TPST1: variants seen among roughly 807,000 people sequenced by gnomAD.
TPST1 encodes the protein protein-tyrosine sulfotransferase 1.
Under a neutral mutation model 34.8 loss-of-function variants are expected in TPST1, and 20 were observed. The observed-to-expected ratio is 0.57, with a 90% CI of 0.40 to 0.84. TPST1 has a LOEUF of 0.84. TPST1 is among the 40% of genes least tolerant of loss of function. TPST1 has a pLI of 0.00. For synonymous variants in TPST1, 152 were observed against 159.4 expected, an observed-to-expected ratio of 0.95 and a Z score of 0.35; for missense variants, 353 against 455.5, an observed-to-expected ratio of 0.78 and a Z score of 2.05.
intron 2 of TPST1, among the ~76,000 whole-genome samples, chr7:66,256,914 A>G (rs1486020956): frequency 3.3e-5 from 5 of 152,096 alleles, no homozygotes; most frequent in Non-Finnish European, 7.4e-5. Context: ...TGTCATCTAA[A>G]TCAGGTCCAG....
upstream of TPST1, among the ~76,000 whole-genome samples, chr7:66,203,147 CTG>C (rs962273837): frequency 7.3e-5 from 11 of 151,044 alleles, no homozygotes; most frequent in South Asian, 2.1e-4. Context: ...TTATCTATCT[CTG>C]TGTGTGTGTG....
At position 66,240,959 on chromosome 7, in the gene TPST1, A is replaced by T. The variant is rs1790020632; in HGVS notation, c.534A>T (p.Lys178Asn). 2 of 1,614,040 alleles carry T rather than the reference A, an allele frequency of 1.2e-6. No homozygotes were observed. Among genetic ancestry groups the T allele is most frequent in the East Asian group, 4.5e-5 (2 of 44,900 alleles). ...TTTCTAGGTTATTCCCCAATGCCAA[A>T]TTTCTCCTGATGGTCCGAGATGGCC... The part of the protein sequence containing the change: ...TYLSRLFPNA[K>N]FLLMVRDGRA... Residue 178 changes from lysine to asparagine, a missense_variant, in exon 2 of 6, where the codon AAA (lysine) becomes AAT (asparagine). Coordinates refer to ENST00000304842, the MANE Select transcript of TPST1 (RefSeq NM_003596.4).
At position 66,296,398 on chromosome 7, in the gene TPST1, A is replaced by G. The variant is rs1460396928; in HGVS notation, c.1044+9689A>G. Among the ~76,000 whole-genome samples, 9 of 152,060 alleles carry G rather than the reference A, an allele frequency of 5.9e-5. No individual in the cohort carries two copies. The South Asian group carries it at 1.0e-3, about 18-fold the overall frequency. On this transcript the variant is annotated intron_variant, in intron 3 of 5. Coordinates refer to ENST00000304842, the MANE Select transcript of TPST1 (RefSeq NM_003596.4). The stretch of plus-strand genomic sequence containing the variant: ...GTCTTGTCTTGTGAGGGTAGGTTTC[A>G]TAAGACCTTTTTGCAAACTAAATCC...
At chr7:66,242,460 C>T (rs963928183) in intron 2 of TPST1, among the ~76,000 whole-genome samples, 2 of 151,976 alleles carry the variant, frequency 1.3e-5, no homozygotes, top group Non-Finnish European at 2.9e-5. Context: ...TAGATAATCT[C>T]AAAGGAACAG....
chr7:66,307,667 G>A (rs888468727), intron 3 of TPST1, among the ~76,000 whole-genome samples: 2 of 152,150 alleles, frequency 1.3e-5, no homozygotes, highest in African/African-American at 4.8e-5. Flanking sequence ...ACCATTGTTG[G>A]CCTCTCCTGT....
chr7:66,337,716 C>T (rs1054280617), intron 3 of TPST1, among the ~76,000 whole-genome samples: 2 of 152,040 alleles, frequency 1.3e-5, no homozygotes, highest in East Asian at 1.9e-4. Context: ...ATGGCAATGG[C>T]GGTGTTAAAG....
chr7:66,353,821 C>G (rs1458382676), intron 4 of TPST1, among the ~76,000 whole-genome samples: 1 of 152,166 alleles, frequency 6.6e-6, no homozygotes, highest in Admixed American at 6.5e-5. Context: ...AGCAACAGCA[C>G]CTCAGAGACT....
chr7:66,244,786 G>GT (rs1352720120), intron 2 of TPST1, among the ~76,000 whole-genome samples: 1 of 152,194 alleles, frequency 6.6e-6, no homozygotes, highest in African/African-American at 2.4e-5. Flanking sequence ...GCAGATTAAT[G>GT]TAACAGTGAC....
chr7:66,317,197 AT>A (rs1791651038), intron 3 of TPST1, among the ~76,000 whole-genome samples: 2 of 152,182 alleles, frequency 1.3e-5, no homozygotes. Flanking sequence ...AAAAATCTGT[AT>A]CTTTAGTTAT....
intron 3 of TPST1, 38 bp downstream of exon 3, chr7:66,286,747 T>A (rs1457516424): frequency 1.4e-6 from 2 of 1,420,076 alleles, no homozygotes; most frequent in South Asian, 1.8e-5. Context: ...GAAAACTAGA[T>A]TTTGAATTTG....
chr7:66,247,181 A>G (rs1790166520), intron 2 of TPST1, among the ~76,000 whole-genome samples: 2 of 152,234 alleles, frequency 1.3e-5, no homozygotes, highest in South Asian at 4.1e-4. Context: ...TAATCCCAGC[A>G]CTTTGGGAGG....
At chr7:66,313,545 C>G (rs1416907048) in intron 3 of TPST1, among the ~76,000 whole-genome samples, 2 of 152,066 alleles carry the variant, frequency 1.3e-5, no homozygotes, top group Admixed American at 6.6e-5. Context: ...CTTTGAACTC[C>G]CTGCAGTAAT....
rs142084592 is a variant in TPST1, at chr7:66,262,456, C to T, written c.845+21186C>T. Among the ~76,000 whole-genome samples, 335 of 152,256 alleles carry T rather than the reference C, an allele frequency of 2.2e-3. 2 individuals carry two copies. Among genetic ancestry groups the T allele is most frequent in the African/African-American group, 7.7e-3 (321 of 41,554 alleles). ...CCTAACCCTTCTATGTTGATGATTC[C>T]GCCCCCACATTTTCATTAAGGGTCA... On this transcript the variant is annotated intron_variant, in intron 2 of 5. Coordinates refer to ENST00000304842, the MANE Select transcript of TPST1 (RefSeq NM_003596.4).
At position 66,269,029 on chromosome 7, in the gene TPST1, C is replaced by T. The variant is rs1283123297; in HGVS notation, c.846-17482C>T. Among the ~76,000 whole-genome samples the T allele has an allele frequency of 3.3e-5, 5 of 152,182 alleles. No homozygotes were observed. In the South Asian group the frequency reaches 1.0e-3, roughly 32 times the overall value. Reference sequence around the variant, plus strand: ...AATGATAGGAGAATACAAGAAAGTACATTTGTAATACATTTGAAAGTCTAG... The same window carrying T: ...AATGATAGGAGAATACAAGAAAGTATATTTGTAATACATTTGAAAGTCTAG... On this transcript the variant is annotated intron_variant, in intron 2 of 5. Transcript: ENST00000304842.
At chr7:66,250,905 ACATTG>A (rs1790248676) in intron 2 of TPST1, among the ~76,000 whole-genome samples, 1 of 152,236 alleles carries the variant, frequency 6.6e-6, no homozygotes, top group African/African-American at 2.4e-5. Context: ...TAGTGAGTGT[ACATTG>A]CATGGACGTG....
At chr7:66,216,233 C>T (rs2116255016) in intron 1 of TPST1, among the ~76,000 whole-genome samples, 1 of 143,694 alleles carries the variant, frequency 7.0e-6, no homozygotes, top group African/African-American at 2.6e-5. Context: ...TGTTTATGAT[C>T]ACTTTTATTT....
intron 1 of TPST1, among the ~76,000 whole-genome samples, chr7:66,225,710 T>G (rs959074756): frequency 2.1e-4 from 32 of 152,198 alleles, no homozygotes; most frequent in Admixed American, 2.1e-3. Flanking sequence ...ACACAGTGTT[T>G]TAGTATATAA....
chr7:66,240,354 C>T lies in TPST1; in HGVS notation c.-72C>T, dbSNP rs1029260418. 43 of 1,534,124 alleles carry T rather than the reference C, an allele frequency of 2.8e-5. No individual in the cohort carries two copies. In the African/African-American group the frequency reaches 5.2e-4, roughly 19 times the overall value. ...TGGTTATCTTTCTGAAGTAGACTGTCCATGGCCTGAACATTTTCCGAAAAT... is the reference window on the plus strand; with the variant it reads ...TGGTTATCTTTCTGAAGTAGACTGTTCATGGCCTGAACATTTTCCGAAAAT... On this transcript the variant is annotated 5_prime_UTR_variant, in exon 2 of 6. Transcript: ENST00000304842.
At chr7:66,327,722 T>TAAA (rs1178857668) in intron 3 of TPST1, among the ~76,000 whole-genome samples, 1 of 109,618 alleles carries the variant, frequency 9.1e-6, no homozygotes, top group East Asian at 2.3e-4. Context: ...GACCCTGTCT[T>TAAA]AAAAAAAAAA....
Sources: allele counts gnomAD v4.1 joint callset (sites outside exome capture counted in the v4.1 genomes callset), GRCh38; gene constraint gnomAD v4.1.1; transcripts MANE v1.5; gene names NCBI Gene and HGNC (gene_info 2026-07-23, HGNC 2026-07-21).